Variants in DENND2B observed in about 807,000 individuals in gnomAD.
DENND2B encodes DENN domain-containing protein 2B.
In DENND2B, 32 loss-of-function variants were observed where a neutral mutation model predicts 116.0. The ratio of observed to expected loss-of-function variants is 0.28; its 90% confidence interval spans 0.21 to 0.37. The LOEUF (loss-of-function observed/expected upper bound fraction) is 0.37. Ranked by LOEUF, DENND2B falls within the 10% of genes least tolerant of loss-of-function variation. The pLI is 1.00. For synonymous variants in DENND2B, 588 were observed against 583.9 expected (o/e 1.01, Z -0.10); for missense variants, 1,276 against 1,477.7 (o/e 0.86, Z 2.24).
intron 4 of DENND2B, among the ~76,000 whole-genome samples, chr11:8,839,087 G>T (rs1413596978): frequency 1.3e-5 from 2 of 152,204 alleles, no homozygotes; most frequent in Admixed American, 1.3e-4. Flanking sequence ...AAAGAGAATG[G>T]ATACTAATTT....
At chr11:8,869,085 A>G (rs1268821059) in intron 2 of DENND2B, among the ~76,000 whole-genome samples, 1 of 152,208 alleles carries the variant, frequency 6.6e-6, no homozygotes, top group African/African-American at 2.4e-5. Flanking sequence ...AAGCCAAAAG[A>G]TTGGACATTC....
chr11:8,697,730 C>T, intron 16 of DENND2B, 94 bp from the exon 17 acceptor site: 1 of 794,062 alleles, frequency 1.3e-6, no homozygotes, highest in East Asian at 2.6e-5. Context: ...TAGATAATCT[C>T]ATTTATCTCT....
intron 1 of DENND2B, among the ~76,000 whole-genome samples, chr11:8,784,982 C>T (rs1298643092): frequency 6.6e-6 from 1 of 152,152 alleles, no homozygotes; most frequent in Admixed American, 6.5e-5. Context: ...CTGTGGCCAC[C>T]TATGATGCAG....
chr11:8,750,762 T>C (rs772055757), intron 1 of DENND2B, 37 bp from the exon 2 acceptor site: 27 of 1,601,246 alleles, frequency 1.7e-5, no homozygotes, highest in African/African-American at 2.7e-5. Context: ...CAAGTTTCTA[T>C]AGGCAGCCAA....
At chr11:8,751,769 T>C (rs2052554453) in intron 1 of DENND2B, among the ~76,000 whole-genome samples, 1 of 152,196 alleles carries the variant, frequency 6.6e-6, no homozygotes, top group Admixed American at 6.5e-5. Flanking sequence ...TCCATCTCCA[T>C]CCATCTCTCC....
chr11:8,782,538 C>T (rs1203354711), intron 1 of DENND2B, among the ~76,000 whole-genome samples: 2 of 152,114 alleles, frequency 1.3e-5, no homozygotes, highest in Admixed American at 1.3e-4. Flanking sequence ...ATGATGGGTA[C>T]ATAGATTTTT....
rs180837766 is a variant in DENND2B, at chr11:8,858,945, G to T, written c.-249-1509C>A. 1.8e-3 allele frequency among the ~76,000 whole-genome samples: 273 copies of T among 152,346 alleles called. 5 individuals are homozygous for T. The highest frequency in any genetic ancestry group is 6.5e-3 in the African/African-American group (269 of 41,590). ...CCCTTACAACAGCCTCTGGCAGCCA[G>T]TAAACATTCCATAAATGCTAGTACT... On this transcript the variant is annotated intron_variant, in intron 2 of 6. Transcript: ENST00000524757.
intron 1 of DENND2B, among the ~76,000 whole-genome samples, chr11:8,760,285 C>A (rs1352259515): frequency 6.6e-6 from 1 of 152,172 alleles, no homozygotes; most frequent in Non-Finnish European, 1.5e-5. Context: ...AGAGCCGCTG[C>A]AAGCTTCAGT....
intron 3 of DENND2B, among the ~76,000 whole-genome samples, chr11:8,847,650 A>G (rs865943194): frequency 2.2e-4 from 33 of 152,302 alleles, no homozygotes; most frequent in Admixed American, 6.5e-4. Context: ...TTTGTCATCA[A>G]ATTTACAGAA....
At chr11:8,758,741 G>A (rs372080389) in intron 1 of DENND2B, among the ~76,000 whole-genome samples, 5 of 152,148 alleles carry the variant, frequency 3.3e-5, no homozygotes, top group East Asian at 1.9e-4. Context: ...GTTAGATGCC[G>A]CGGCTCCCTC....
chr11:8,723,092 A>T (rs565194112), intron 4 of DENND2B, among the ~76,000 whole-genome samples: 1 of 150,852 alleles, frequency 6.6e-6, no homozygotes, highest in South Asian at 2.1e-4. Flanking sequence ...CCCCCTCCCT[A>T]CCTCCTGTTG....
intron 1 of DENND2B, among the ~76,000 whole-genome samples, chr11:8,794,533 A>C (rs564512232): frequency 3.9e-4 from 60 of 152,340 alleles, no homozygotes; most frequent in Non-Finnish European, 7.8e-4. Flanking sequence ...GAAGGTAAGA[A>C]AAGGAGAGCT....
intron 1 of DENND2B, among the ~76,000 whole-genome samples, chr11:8,783,431 T>C (rs968904343): frequency 6.6e-6 from 1 of 152,212 alleles, no homozygotes; most frequent in Non-Finnish European, 1.5e-5. Context: ...CTGTATGTAC[T>C]GTCTGTGGAA....
chr11:8,754,029 G>GCGCACACACACACA (rs146486674), intron 1 of DENND2B, among the ~76,000 whole-genome samples: 7,298 of 138,720 alleles, frequency 0.053, 242 homozygotes, highest in East Asian at 0.086. Flanking sequence ...CCAAAAGCGC[G>GCGCACACACACACA]CACACACACA....
chr11:8,815,786 G>A (rs1288438298), intron 4 of DENND2B, among the ~76,000 whole-genome samples: 1 of 152,186 alleles, frequency 6.6e-6, no homozygotes, highest in Non-Finnish European at 1.5e-5. Context: ...TCCTCGAGGT[G>A]TATCCACTTT....
At position 8,712,604 on chromosome 11, in the gene DENND2B, T is replaced by G. The variant is rs2043967638; in HGVS notation, c.2119A>C (p.Lys707Gln). 4 of 1,561,580 alleles carry G rather than the reference T, an allele frequency of 2.6e-6. No homozygotes were observed. The highest frequency in any genetic ancestry group is 3.5e-6 in the Non-Finnish European group (4 of 1,152,144). ...AGGTAGGTGTTTCGCGATGGCTTCT[T>G]CTTGAGGGACACCACCACAAAGTAC... Reference protein sequence around the residue: ...FEYFVVVSLKKKPSRNTYLPE... With the variant: ...FEYFVVVSLKQKPSRNTYLPE... The change falls in exon 9 of 20, where the codon AAG (lysine) becomes CAG (glutamine). Residue 707 changes from lysine to glutamine, a missense_variant. By Grantham distance (53) the Lys-to-Gln change is moderately conservative. Around this residue, in one of 2 missense-constraint regions of DENND2B, gnomAD observed 420 missense variants for 631.1 expected, o/e 0.67. Coordinates refer to ENST00000313726, the MANE Select transcript of DENND2B (RefSeq NM_213618.2). The surrounding 1 kb of genome is among the most constrained non-coding windows in gnomAD (Gnocchi z 4.4).
chr11:8,740,098 G>A (rs2049927045), intron 2 of DENND2B, among the ~76,000 whole-genome samples: 1 of 151,736 alleles, frequency 6.6e-6, no homozygotes, highest in African/African-American at 2.4e-5. Context: ...GCTGAGGCAG[G>A]AGGATCCTTG....
At position 8,707,045 on chromosome 11, in the gene DENND2B, C is replaced by G; in HGVS notation, c.2571+40G>C. Reference sequence around the variant, plus strand: ...GGCCAGCATGGTCCTCCTGCCACCCCAGCCCGTAGCCCGAGAGAAGAGGGT... The same window carrying G: ...GGCCAGCATGGTCCTCCTGCCACCCGAGCCCGTAGCCCGAGAGAAGAGGGT... On this transcript the variant is annotated intron_variant, in intron 13 of 19. Coordinates refer to ENST00000313726, the MANE Select transcript of DENND2B (RefSeq NM_213618.2). The surrounding 1 kb of genome is among the most constrained non-coding windows in gnomAD (Gnocchi z 4.8). 1 of 1,589,996 alleles carries G rather than the reference C, an allele frequency of 6.3e-7. No homozygotes were observed. Among genetic ancestry groups the G allele is most frequent in the South Asian group, 1.2e-5 (1 of 86,600 alleles).
chr11:8,698,618 T>C (rs1184208657), intron 16 of DENND2B, among the ~76,000 whole-genome samples: 1 of 152,198 alleles, frequency 6.6e-6, no homozygotes, highest in Non-Finnish European at 1.5e-5. Flanking sequence ...ACCTCTCCTT[T>C]AGAGCTCAGA....
Sources: allele counts gnomAD v4.1 joint callset (sites outside exome capture counted in the v4.1 genomes callset), GRCh38; gene constraint gnomAD v4.1.1; regional missense constraint gnomAD v4.1.1; non-coding constraint Gnocchi (gnomAD v3.1); transcripts MANE v1.5; gene names NCBI Gene and HGNC (gene_info 2026-07-23, HGNC 2026-07-21).